MYH2: variants seen among roughly 807,000 people sequenced by gnomAD.
The protein encoded by MYH2 is myosin heavy chain 2, also known as myosin-2.
MYH2 carries 139 observed loss-of-function variants against 228.1 expected under a neutral mutation model. The ratio of observed to expected loss-of-function variants is 0.61; its 90% CI spans 0.53 to 0.70. MYH2 has a LOEUF of 0.70. MYH2 is among the 30% of genes least tolerant of loss of function. The pLI is 0.00. For missense variants in MYH2, 1,809 were observed against 2,357.5 expected (o/e 0.77, Z 4.82); for synonymous variants, 796 against 871.1 (o/e 0.91, Z 1.52).
intron 19 of MYH2, among the ~76,000 whole-genome samples, chr17:10,534,090 C>G (rs2073455574): frequency 6.6e-6 from 1 of 152,224 alleles, no homozygotes; most frequent in Non-Finnish European, 1.5e-5. Context: ...AATCCTCTGT[C>G]AGTGCCACCT....
chr17:10,537,847 G>C lies in MYH2; in HGVS notation c.1417-12C>G. ...TCCAGGCTGTTGAACTAAATAAATA[G>C]ATATGTTTACTTCTCTCTTAAGCAA... On this transcript the variant is annotated splice_polypyrimidine_tract_variant and intron_variant, in intron 14 of 39. Transcript: ENST00000245503. This position sits in a 1 kb window ranked among gnomAD's most constrained non-coding sequence, Gnocchi z 4.0. 2 of 1,614,080 alleles carry C rather than the reference G, an allele frequency of 1.2e-6. No individual in the cohort carries two copies. The highest frequency in any genetic ancestry group is 1.7e-6 in the Non-Finnish European group (2 of 1,180,004).
chr17:10,541,306 A>C (rs531748027), intron 10 of MYH2, among the ~76,000 whole-genome samples: 9 of 152,322 alleles, frequency 5.9e-5, no homozygotes, highest in African/African-American at 2.2e-4. Context: ...AGCCCTGAGA[A>C]AGAGTATGCG....
chr17:10,539,139 T>C (rs2142312923), intron 14 of MYH2, 66 bp downstream of exon 14: 1 of 1,612,062 alleles, frequency 6.2e-7, no homozygotes, highest in Non-Finnish European at 8.5e-7. Context: ...TCTTCACTAA[T>C]TCCTTCATAT....
At chr17:10,549,535 G>A (rs1451110060) in intron 1 of MYH2, 101 bp downstream of exon 1, 1 of 152,242 alleles carries the variant, frequency 6.6e-6, no homozygotes, top group African/African-American at 2.4e-5. Context: ...GAGGTAAAAC[G>A]TGCAGTTCCA....
intron 11 of MYH2, among the ~76,000 whole-genome samples, 179 bp from the exon 12 acceptor site, chr17:10,540,245 T>C (rs2073534299): frequency 6.6e-6 from 1 of 151,780 alleles, no homozygotes; most frequent in African/African-American, 2.4e-5. Flanking sequence ...ATTAGAATTA[T>C]AGGTGCATAC....
At position 10,525,123 on chromosome 17, in the gene MYH2, T is replaced by G; in HGVS notation, c.4663-58A>C. ...AACCAAAAGCTTTATGAAGTTTTTC[T>G]GCACAGCAATAATTTTGTGCTATGT... On this transcript the variant is annotated intron_variant, in intron 33 of 39. Coordinates refer to ENST00000245503, the MANE Select transcript of MYH2 (RefSeq NM_017534.6). The surrounding 1 kb of genome is among the most constrained non-coding windows in gnomAD (Gnocchi z 4.2). 21 of 1,614,000 alleles carry G rather than the reference T, an allele frequency of 1.3e-5. No homozygotes were observed. Among genetic ancestry groups the G allele is most frequent in the Non-Finnish European group, 1.7e-5 (20 of 1,179,938 alleles).
At chr17:10,539,837 A>T in intron 12 of MYH2, 91 bp downstream of exon 12, 1 of 1,567,662 alleles carries the variant, frequency 6.4e-7, no homozygotes, top group Non-Finnish European at 8.8e-7. Context: ...CTTAAAAGTG[A>T]ATTTACCTTC....
chr17:10,543,606 T>C, intron 8 of MYH2, 105 bp downstream of exon 8: 1 of 1,489,848 alleles, frequency 6.7e-7, no homozygotes, highest in Non-Finnish European at 9.3e-7. Context: ...GAAAGAACAA[T>C]GATGTAATAG....
chr17:10,537,837 T>G lies in MYH2; in HGVS notation c.1417-2A>C, dbSNP rs531179296. ...GCACAGCTGCTCCAGGCTGTTGAACTAAATAAATAGATATGTTTACTTCTC... is the reference window on the plus strand; with the variant it reads ...GCACAGCTGCTCCAGGCTGTTGAACGAAATAAATAGATATGTTTACTTCTC... On this transcript the variant is annotated splice_acceptor_variant, in intron 14 of 39. Coordinates refer to ENST00000245503, the MANE Select transcript of MYH2 (RefSeq NM_017534.6). LOFTEE classifies it high-confidence loss of function. This position sits in a 1 kb window ranked among gnomAD's most constrained non-coding sequence, Gnocchi z 4.0. The G allele has an allele frequency of 1.5e-5, 25 of 1,614,100 alleles. No homozygotes were observed. Among genetic ancestry groups the G allele is most frequent in the Admixed American group, 3.3e-5 (2 of 60,008 alleles).
chr17:10,540,739 C>G, intron 10 of MYH2, 42 bp from the exon 11 acceptor site: 3 of 1,472,644 alleles, frequency 2.0e-6, no homozygotes, highest in Non-Finnish European at 2.8e-6. Context: ...TAATTATCTT[C>G]TTCATTAAAA....
chr17:10,533,298 T>A lies in MYH2; in HGVS notation c.2428A>T (p.Met810Leu), dbSNP rs2073445202. 8 of 1,614,060 alleles carry A rather than the reference T, an allele frequency of 5.0e-6. No individual in the cohort carries two copies. Among genetic ancestry groups the A allele is most frequent in the Non-Finnish European group, 5.9e-6 (7 of 1,180,028 alleles). ...TATTTTTTATACCTTCTCTCCACCATCCTCTGGTACTCCACTCTTGCCAAG... is the reference window on the plus strand; with the variant it reads ...TATTTTTTATACCTTCTCTCCACCAACCTCTGGTACTCCACTCTTGCCAAG... ...GFLARVEYQR[M>L]VERREAIFCI... The change falls in exon 21 of 40, where the codon ATG becomes TTG. Residue 810 changes from methionine to leucine, a missense_variant. By Grantham distance (15) the Met-to-Leu change is conservative. This residue lies in a region of MYH2 where 276 missense variants were observed against 344.2 expected (regional missense o/e 0.80). Transcript: ENST00000245503.
At chr17:10,536,176 T>C (rs938173219) in intron 17 of MYH2, among the ~76,000 whole-genome samples, 1 of 152,192 alleles carries the variant, frequency 6.6e-6, no homozygotes, top group African/African-American at 2.4e-5. Context: ...TGGAATGATC[T>C]TGTACTTTTA....
At chr17:10,545,006 C>T (rs75814345) in intron 5 of MYH2, among the ~76,000 whole-genome samples, 4 of 117,918 alleles carry the variant, frequency 3.4e-5, no homozygotes, top group Non-Finnish European at 5.4e-5. Flanking sequence ...TGTGATTGTG[C>T]GTGCATGAGT....
intron 17 of MYH2, 52 bp downstream of exon 17, chr17:10,536,478 T>TA (rs60985888): frequency 3.4e-4 from 502 of 1,497,998 alleles, no homozygotes; most frequent in Non-Finnish European, 4.2e-4. Flanking sequence ...CAGACCCATG[T>TA]AAAAAAAATC....
chr17:10,521,612 T>A (rs2073286251), intron 39 of MYH2, among the ~76,000 whole-genome samples, 180 bp from the exon 40 acceptor site: 1 of 149,594 alleles, frequency 6.7e-6, no homozygotes, highest in African/African-American at 2.5e-5. Context: ...CACACACACA[T>A]ACATACATAC....
Position 10,524,324 on chromosome 17 carries a change from G to T in MYH2, c.5175+142C>A. ...AAGCAAAACAGTGAAAGATTTCTCAGTAATGCAGAATTACTATTCTGTATT... is the reference window on the plus strand; with the variant it reads ...AAGCAAAACAGTGAAAGATTTCTCATTAATGCAGAATTACTATTCTGTATT... On this transcript the variant is annotated intron_variant, in intron 35 of 39. Transcript: ENST00000245503. The surrounding 1 kb of genome is among the most constrained non-coding windows in gnomAD (Gnocchi z 4.7). 8.9e-7 allele frequency: 1 copy of T among 1,122,314 alleles called. No homozygotes were observed. Among genetic ancestry groups the T allele is most frequent in the Non-Finnish European group, 1.3e-6 (1 of 763,188 alleles). 69.5% of individuals were successfully genotyped at this position (1,122,314 alleles called of 1,614,324 possible).
chr17:10,539,393 G>T (rs1192070428), intron 13 of MYH2, 39 bp from the exon 14 acceptor site: 6 of 1,613,952 alleles, frequency 3.7e-6, no homozygotes, highest in Non-Finnish European at 5.1e-6. Context: ...GTTATTAAAG[G>T]CCTATGAAAA....
chr17:10,532,539 AT>A (rs1177414908), intron 21 of MYH2, among the ~76,000 whole-genome samples: 1 of 152,210 alleles, frequency 6.6e-6, no homozygotes, highest in Non-Finnish European at 1.5e-5. Flanking sequence ...AAAATTTATT[AT>A]TTTTAATAAA....
At chr17:10,526,913 A>T in intron 29 of MYH2, 25 bp downstream of exon 29, 1 of 1,613,472 alleles carries the variant, frequency 6.2e-7, no homozygotes, top group Non-Finnish European at 8.5e-7. Context: ...ATGAGGGAAA[A>T]AATCAGTCTT....
Sources: gnomAD v4.1 joint callset for allele counts (sites outside exome capture counted in the v4.1 genomes callset) on GRCh38, gnomAD v4.1.1 for gene constraint, gnomAD v4.1.1 regional missense constraint, Gnocchi (gnomAD v3.1) non-coding constraint, MANE v1.5 for transcripts, NCBI Gene and HGNC (gene_info 2026-07-23, HGNC 2026-07-21) for gene names.